The following CNTN6 variants were observed in gnomAD, a reference collection of about 807,000 sequenced individuals.
The protein encoded by CNTN6 is contactin-6.
Under a neutral mutation model 122.8 loss-of-function variants are expected in CNTN6, and 137 were observed. That is an observed-to-expected ratio of 1.12 (90% confidence interval 0.97 to 1.29). CNTN6 has a LOEUF of 1.29. Among genes scored for constraint, CNTN6 ranks in the 50% most tolerant of loss-of-function variants. CNTN6 has a pLI of 0.00. For synonymous variants in CNTN6, 570 were observed against 426.0 expected, an observed-to-expected ratio of 1.34 and a Z score of -4.16; for missense variants, 1,634 against 1,223.4, an observed-to-expected ratio of 1.34 and a Z score of -5.01.
chr3:1,190,842 T>C (rs889089217), intron 2 of CNTN6, among the ~76,000 whole-genome samples: 2 of 152,120 alleles, frequency 1.3e-5, no homozygotes, highest in African/African-American at 4.8e-5. Flanking sequence ...CTGAGATTAG[T>C]TTTCCCAAAG....
chr3:1,280,180 G>A (rs1693120092), intron 5 of CNTN6, among the ~76,000 whole-genome samples: 1 of 152,014 alleles, frequency 6.6e-6, no homozygotes, highest in African/African-American at 2.4e-5. Flanking sequence ...GGGAATAAAA[G>A]AAATGTAAAA....
At chr3:1,287,857 C>T (rs893675473) in intron 5 of CNTN6, among the ~76,000 whole-genome samples, 5 of 152,180 alleles carry the variant, frequency 3.3e-5, no homozygotes, top group Non-Finnish European at 5.9e-5. Flanking sequence ...GAATTCTCCT[C>T]CTCTTTCCCA....
intron 7 of CNTN6, among the ~76,000 whole-genome samples, chr3:1,303,769 A>G (rs577086922): frequency 6.6e-6 from 1 of 152,240 alleles, no homozygotes; most frequent in East Asian, 1.9e-4. Flanking sequence ...TGAATGCTAA[A>G]TTGTGGTGTA....
At chr3:1,132,659 A>AAATAAATAAATAAAT (rs1244710626) in intron 1 of CNTN6, among the ~76,000 whole-genome samples, 1 of 11,300 alleles carries the variant, frequency 8.8e-5, no homozygotes, top group Admixed American at 6.2e-4. Context: ...TCTGTCTAAA[A>AAATAAATAAATAAAT]AATAAATAAA....
At chr3:1,323,682 A>G (rs1575701960) in intron 8 of CNTN6, among the ~76,000 whole-genome samples, 1 of 151,880 alleles carries the variant, frequency 6.6e-6, no homozygotes, top group African/African-American at 2.4e-5. Context: ...TCTCTAAAGT[A>G]TTATTCATCA....
intron 1 of CNTN6, among the ~76,000 whole-genome samples, chr3:1,131,670 A>G (rs2092339832): frequency 6.6e-6 from 1 of 152,166 alleles, no homozygotes; most frequent in Non-Finnish European, 1.5e-5. Context: ...AGAGGTGGTC[A>G]TTCATCATTC....
At chr3:1,390,962 T>A (rs1253085236) in intron 20 of CNTN6, among the ~76,000 whole-genome samples, 2 of 147,482 alleles carry the variant, frequency 1.4e-5, no homozygotes, top group African/African-American at 5.1e-5. Flanking sequence ...CACAGCCGAA[T>A]TCTACCAGAG....
intron 1 of CNTN6, among the ~76,000 whole-genome samples, chr3:1,130,156 C>T (rs1457117958): frequency 6.6e-6 from 1 of 151,968 alleles, no homozygotes; most frequent in Non-Finnish European, 1.5e-5. Flanking sequence ...AAATCCTTGC[C>T]AAAGTCCAAT....
intron 19 of CNTN6, among the ~76,000 whole-genome samples, chr3:1,384,718 T>TATATATACACAAATATATATAC (rs1692508042): frequency 7.6e-6 from 1 of 131,808 alleles, no homozygotes; most frequent in Non-Finnish European, 1.7e-5. Flanking sequence ...ATATACATAC[T>TATATATACACAAATATATATAC]ATATATACAC....
intron 2 of CNTN6, among the ~76,000 whole-genome samples, chr3:1,187,276 C>CT (rs10710040): frequency 1.7e-4 from 25 of 148,382 alleles, no homozygotes; most frequent in Middle Eastern, 3.6e-3. Context: ...TCCATACATA[C>CT]TTTTTTTTTT....
At chr3:1,257,250 T>C (rs558315719) in intron 4 of CNTN6, among the ~76,000 whole-genome samples, 2 of 152,286 alleles carry the variant, frequency 1.3e-5, no homozygotes, top group East Asian at 3.9e-4. Context: ...ATTTTAAATA[T>C]GTTAATATTT....
At chr3:1,187,979 T>G (rs1262553483) in intron 2 of CNTN6, among the ~76,000 whole-genome samples, 2 of 152,172 alleles carry the variant, frequency 1.3e-5, no homozygotes, top group Non-Finnish European at 2.9e-5. Flanking sequence ...CCACCTTCCT[T>G]GGAGGACAAC....
intron 2 of CNTN6, among the ~76,000 whole-genome samples, chr3:1,205,772 CAT>C (rs1328731742): frequency 6.6e-6 from 1 of 152,128 alleles, no homozygotes; most frequent in African/African-American, 2.4e-5. Flanking sequence ...AAGTACCACA[CAT>C]GTGTAGGTGA....
intron 4 of CNTN6, among the ~76,000 whole-genome samples, chr3:1,253,946 A>G (rs2094711896): frequency 1.3e-5 from 2 of 152,306 alleles, no homozygotes; most frequent in South Asian, 2.1e-4. Context: ...GTATGTATAC[A>G]TTTTGCATGT....
intron 4 of CNTN6, among the ~76,000 whole-genome samples, chr3:1,247,634 T>G (rs866930013): frequency 2.0e-4 from 30 of 152,126 alleles, no homozygotes; most frequent in African/African-American, 7.0e-4. Context: ...GATAAAAATA[T>G]AACAACTGTT....
intron 5 of CNTN6, among the ~76,000 whole-genome samples, chr3:1,280,884 C>G (rs1228876099): frequency 6.6e-6 from 1 of 152,128 alleles, no homozygotes; most frequent in Admixed American, 6.6e-5. Context: ...TTAAGGGACA[C>G]TCTCAACTTG....
At chr3:1,173,612 G>C (rs2093398811) in intron 2 of CNTN6, among the ~76,000 whole-genome samples, 1 of 152,104 alleles carries the variant, frequency 6.6e-6, no homozygotes. Flanking sequence ...GTGAGCTTCT[G>C]TTGAGATTAT....
intron 20 of CNTN6, 186 bp from the exon 21 acceptor site, chr3:1,401,247 A>G (rs1695666340): frequency 1.9e-6 from 1 of 529,468 alleles, no homozygotes; most frequent in Non-Finnish European, 3.3e-6. Context: ...GGCATTCCCA[A>G]ATGACCAGAT....
chr3:1,254,013 C>G (rs943828214), intron 4 of CNTN6, among the ~76,000 whole-genome samples: 1 of 152,116 alleles, frequency 6.6e-6, no homozygotes, highest in Non-Finnish European at 1.5e-5. Context: ...GTTCTAGTAA[C>G]CGACATTTTT....
Sources: gnomAD v4.1 joint callset for allele counts (sites outside exome capture counted in the v4.1 genomes callset) on GRCh38, gnomAD v4.1.1 for gene constraint, MANE v1.5 for transcripts, NCBI Gene and HGNC (gene_info 2026-07-23, HGNC 2026-07-21) for gene names.